The following LAPTM4B variants were observed in gnomAD, a reference collection of about 807,000 sequenced individuals.
The protein encoded by LAPTM4B is lysosomal protein transmembrane 4 beta.
LAPTM4B carries 26 observed loss-of-function variants against 28.5 expected under a neutral mutation model. The ratio of observed to expected loss-of-function variants is 0.91; its 90% confidence interval spans 0.67 to 1.27. The LOEUF (loss-of-function observed/expected upper bound fraction) is 1.27. LAPTM4B is among the 50% of genes most tolerant of loss of function. The pLI is 0.00. For missense variants in LAPTM4B, 288 were observed against 285.8 expected, an observed-to-expected ratio of 1.01 and a Z score of -0.06; for synonymous variants, 109 against 106.4, an observed-to-expected ratio of 1.02 and a Z score of -0.15.
At chr8:97,825,219 G>A in intron 6 of LAPTM4B, 66 bp downstream of exon 6, 1 of 788,192 alleles carries the variant, frequency 1.3e-6, no homozygotes, top group African/African-American at 1.7e-5. Flanking sequence ...ATCTTTAAGT[G>A]TTTCTAGTGT....
At chr8:97,793,877 G>A (rs1269796210) in intron 1 of LAPTM4B, among the ~76,000 whole-genome samples, 2 of 152,136 alleles carry the variant, frequency 1.3e-5, no homozygotes, top group African/African-American at 2.4e-5. Context: ...CACCATCATA[G>A]CTCACTGCAG....
chr8:97,845,814 C>CT (rs75780442), intron 6 of LAPTM4B, among the ~76,000 whole-genome samples: 13 of 145,296 alleles, frequency 8.9e-5, no homozygotes, highest in African/African-American at 1.8e-4. Context: ...ATCAGCATAT[C>CT]TTTTTTTTTC....
At chr8:97,851,324 C>A (rs1232756672) in intron 6 of LAPTM4B, 73 bp from the exon 7 acceptor site, 6 of 1,208,946 alleles carry the variant, frequency 5.0e-6, no homozygotes, top group Middle Eastern at 1.9e-4. Context: ...CATAAAAGTT[C>A]AGTAAAAGCT....
intron 1 of LAPTM4B, among the ~76,000 whole-genome samples, chr8:97,798,966 G>T (rs1816632228): frequency 6.6e-6 from 1 of 152,192 alleles, no homozygotes; most frequent in Non-Finnish European, 1.5e-5. Context: ...TTCCATTTCT[G>T]ATAATGACAA....
chr8:97,817,199 A>C (rs1189706411), intron 4 of LAPTM4B, among the ~76,000 whole-genome samples: 2 of 149,832 alleles, frequency 1.3e-5, no homozygotes, highest in Non-Finnish European at 3.0e-5. Context: ...TGGTGTGATT[A>C]TGGCTTGCTG....
intron 6 of LAPTM4B, among the ~76,000 whole-genome samples, chr8:97,843,203 T>C (rs541437372): frequency 6.6e-6 from 1 of 152,302 alleles, no homozygotes; most frequent in African/African-American, 2.4e-5. Context: ...TGAATTAAAA[T>C]TTACATTTGG....
Position 97,851,673 on chromosome 8 carries a change from G to A in LAPTM4B, c.*199G>A. ...GGAACACTGTGATAGATTAACTGTA[G>A]AATTCTTCCTGTACGATTGGGGATA... is the stretch of plus-strand genomic sequence containing the variant. On this transcript the variant is annotated 3_prime_UTR_variant, in exon 7 of 7. Transcript: ENST00000521545. The A allele has an allele frequency of 1.7e-6, 1 of 594,472 alleles. No homozygotes were observed. Among genetic ancestry groups the A allele is most frequent in the Non-Finnish European group, 3.0e-6 (1 of 334,520 alleles). 36.8% of individuals were successfully genotyped at this position (594,472 alleles called of 1,614,324 possible).
chr8:97,804,661 T>G (rs538760343), intron 1 of LAPTM4B, among the ~76,000 whole-genome samples: 4 of 152,340 alleles, frequency 2.6e-5, no homozygotes, highest in Admixed American at 6.5e-5. Flanking sequence ...CATTAATTAT[T>G]AATAGCGAGG....
chr8:97,801,518 C>T (rs947372764), intron 1 of LAPTM4B, among the ~76,000 whole-genome samples: 6 of 152,040 alleles, frequency 3.9e-5, no homozygotes, highest in Non-Finnish European at 8.8e-5. Context: ...TTCGTTTGAT[C>T]CTATTTCAGT....
intron 6 of LAPTM4B, among the ~76,000 whole-genome samples, chr8:97,826,890 A>G (rs1586339143): frequency 6.6e-6 from 1 of 152,226 alleles, no homozygotes; most frequent in South Asian, 2.1e-4. Flanking sequence ...AACAAATAAA[A>G]AGTCCATAAT....
Position 97,826,252 on chromosome 8 carries a change from A to G in LAPTM4B, c.603+1099A>G, listed in dbSNP as rs557004594. Among the ~76,000 whole-genome samples the G allele has an allele frequency of 2.0e-5, 3 of 152,302 alleles. No homozygotes were observed. The South Asian group carries it at 6.2e-4, about 32-fold the overall frequency. Reference sequence around the variant, plus strand: ...ACACATTTCTTGAGTTCAATCAAATATGCATGAGCAGTGGTTTAATAGACA... The same window carrying G: ...ACACATTTCTTGAGTTCAATCAAATGTGCATGAGCAGTGGTTTAATAGACA... On this transcript the variant is annotated intron_variant, in intron 6 of 6. Coordinates refer to ENST00000521545, the MANE Select transcript of LAPTM4B (RefSeq NM_018407.6).
intron 1 of LAPTM4B, among the ~76,000 whole-genome samples, chr8:97,778,817 C>G (rs976432125): frequency 6.6e-6 from 1 of 152,078 alleles, no homozygotes; most frequent in Non-Finnish European, 1.5e-5. Context: ...TGAGCACTAG[C>G]CGTCTCTGGG....
At chr8:97,839,163 C>G (rs920482128) in intron 6 of LAPTM4B, among the ~76,000 whole-genome samples, 8 of 152,148 alleles carry the variant, frequency 5.3e-5, no homozygotes, top group Non-Finnish European at 1.5e-5. Context: ...TTCTTTCCTT[C>G]TGCATAATAT....
At chr8:97,829,931 G>A (rs1461745222) in intron 6 of LAPTM4B, among the ~76,000 whole-genome samples, 3 of 152,044 alleles carry the variant, frequency 2.0e-5, no homozygotes, top group African/African-American at 7.2e-5. Context: ...TCCTGACCTC[G>A]TGATCCACCT....
At chr8:97,792,733 C>T (rs1816523210) in intron 1 of LAPTM4B, among the ~76,000 whole-genome samples, 1 of 152,044 alleles carries the variant, frequency 6.6e-6, no homozygotes, top group South Asian at 2.1e-4. Flanking sequence ...GCTCCTGGCA[C>T]CACACGTGGC....
At chr8:97,821,142 C>T (rs1816995864) in intron 5 of LAPTM4B, among the ~76,000 whole-genome samples, 1 of 151,334 alleles carries the variant, frequency 6.6e-6, no homozygotes, top group Non-Finnish European at 1.5e-5. Context: ...TCGAGACCAT[C>T]CTGGCTAACA....
intron 1 of LAPTM4B, among the ~76,000 whole-genome samples, chr8:97,777,772 T>C (rs566977824): frequency 1.8e-4 from 28 of 152,344 alleles, no homozygotes; most frequent in Middle Eastern, 3.4e-3. Flanking sequence ...ACTTCGACTT[T>C]GGTAAAAGCC....
rs1198252851 is a variant in LAPTM4B at position 97,852,395 on chromosome 8, A to G, written c.*921A>G. 5 of 152,342 alleles carry G rather than the reference A, an allele frequency of 3.3e-5. No individual in the cohort carries two copies. Among genetic ancestry groups the G allele is most frequent in the East Asian group, 3.9e-4 (2 of 5,188 alleles). The allele number at this position is 152,342 out of a possible 1,614,324, so 9.4% of individuals were successfully genotyped here. A position where few individuals can be genotyped will look rare whatever the true frequency, so the allele number is the denominator to read the frequency against. On this transcript the variant is annotated 3_prime_UTR_variant, in exon 7 of 7. Transcript: ENST00000521545. Reference sequence around the variant, plus strand: ...ATCCTACTGCTTTGAACTTCCAAGTATGTCTAGTCACCTTTTAAAATGTAA... The same window carrying G: ...ATCCTACTGCTTTGAACTTCCAAGTGTGTCTAGTCACCTTTTAAAATGTAA...
intron 4 of LAPTM4B, among the ~76,000 whole-genome samples, chr8:97,817,974 C>T (rs371572267): frequency 6.0e-5 from 9 of 150,964 alleles, no homozygotes; most frequent in African/African-American, 1.7e-4. Flanking sequence ...CCACCATGCC[C>T]GGCTAAATTT....
Sources: gnomAD v4.1 joint callset for allele counts (sites outside exome capture counted in the v4.1 genomes callset) on GRCh38, gnomAD v4.1.1 for gene constraint, MANE v1.5 for transcripts, NCBI Gene and HGNC (gene_info 2026-07-23, HGNC 2026-07-21) for gene names.